The following CDH18 variants were observed in gnomAD, a reference collection of about 807,000 sequenced individuals.
The protein encoded by CDH18 is cadherin 18.
In CDH18, 31 loss-of-function variants were observed where a neutral mutation model predicts 67.9. That is an observed-to-expected ratio of 0.46 (90% CI 0.34 to 0.62). The LOEUF (loss-of-function observed/expected upper bound fraction) is 0.62, where lower values mean the gene tolerates loss of function less well. CDH18 is among the 20% of genes least tolerant of loss of function. CDH18 has a pLI of 0.01. For missense variants in CDH18, 890 were observed against 975.5 expected (o/e 0.91, Z 1.17); for synonymous variants, 362 against 347.2 (o/e 1.04, Z -0.48).
At chr5:19,936,511 G>T (rs1408521150) in intron 2 of CDH18, among the ~76,000 whole-genome samples, 1 of 150,858 alleles carries the variant, frequency 6.6e-6, no homozygotes. Context: ...AAAATAATGT[G>T]CTGTATACTT....
intron 2 of CDH18, among the ~76,000 whole-genome samples, chr5:20,228,501 A>G (rs1341189987): frequency 6.6e-6 from 1 of 150,536 alleles, no homozygotes; most frequent in Non-Finnish European, 1.5e-5. Context: ...ATCTCTCAGC[A>G]TTTTTAAAGA....
intron 1 of CDH18, among the ~76,000 whole-genome samples, chr5:20,536,555 T>A (rs923080581): frequency 6.6e-6 from 1 of 152,196 alleles, no homozygotes; most frequent in African/African-American, 2.4e-5. Flanking sequence ...GTACTGTGCT[T>A]CTGAACTACT....
intron 2 of CDH18, among the ~76,000 whole-genome samples, chr5:20,235,936 A>T (rs531285299): frequency 1.3e-5 from 2 of 152,198 alleles, no homozygotes; most frequent in Non-Finnish European, 2.9e-5. Flanking sequence ...GAACAAAATC[A>T]TGTCCTTCAC....
intron 2 of CDH18, among the ~76,000 whole-genome samples, chr5:20,232,017 A>T (rs916825987): frequency 3.1e-4 from 47 of 152,080 alleles, no homozygotes; most frequent in African/African-American, 1.1e-3. Flanking sequence ...CTCTTCTAAT[A>T]TTTTTTTACC....
chr5:20,247,263 C>T (rs1455717424), intron 2 of CDH18, among the ~76,000 whole-genome samples: 1 of 152,092 alleles, frequency 6.6e-6, no homozygotes, highest in Non-Finnish European at 1.5e-5. Flanking sequence ...CATTACTTTC[C>T]CTCCTTAGTT....
intron 1 of CDH18, among the ~76,000 whole-genome samples, chr5:19,985,806 T>C (rs1799508882): frequency 6.6e-6 from 1 of 152,164 alleles, no homozygotes; most frequent in South Asian, 2.1e-4. Flanking sequence ...ATCTCTCTCA[T>C]TCTTCACTAG....
chr5:19,754,761 C>T (rs951414254), intron 3 of CDH18, among the ~76,000 whole-genome samples: 2 of 152,062 alleles, frequency 1.3e-5, no homozygotes, highest in African/African-American at 4.8e-5. Context: ...ATATGATAGG[C>T]CACAAAATGA....
intron 1 of CDH18, among the ~76,000 whole-genome samples, chr5:20,357,986 G>T (rs1050953797): frequency 6.6e-6 from 1 of 152,072 alleles, no homozygotes; most frequent in African/African-American, 2.4e-5. Context: ...ATGAAATCAT[G>T]TCCTTTGCAG....
intron 4 of CDH18, among the ~76,000 whole-genome samples, chr5:19,732,865 TA>T (rs983281699): frequency 2.0e-5 from 3 of 152,192 alleles, no homozygotes; most frequent in Non-Finnish European, 4.4e-5. Context: ...CTTAACCTTG[TA>T]AAACTTGTTT....
At chr5:19,704,598 G>A (rs1561096542) in intron 5 of CDH18, among the ~76,000 whole-genome samples, 1 of 152,058 alleles carries the variant, frequency 6.6e-6, no homozygotes, top group East Asian at 1.9e-4. Context: ...CAAAGTTTAG[G>A]ATATTATTTT....
At chr5:20,196,348 T>C (rs912980042) in intron 2 of CDH18, among the ~76,000 whole-genome samples, 1 of 152,156 alleles carries the variant, frequency 6.6e-6, no homozygotes, top group African/African-American at 2.4e-5. Context: ...CATTCTTATC[T>C]TTATTTTACA....
At chr5:20,515,293 GAGAA>G (rs1755291320) in intron 1 of CDH18, among the ~76,000 whole-genome samples, 1 of 145,812 alleles carries the variant, frequency 6.9e-6, no homozygotes, top group South Asian at 2.2e-4. Flanking sequence ...AAGGGGGAGA[GAGAA>G]AGAGAGTAAT....
intron 1 of CDH18, among the ~76,000 whole-genome samples, chr5:20,556,955 A>G (rs1757937655): frequency 6.6e-6 from 1 of 152,120 alleles, no homozygotes; most frequent in Non-Finnish European, 1.5e-5. Flanking sequence ...GATAAATAAT[A>G]TACTCTGGGG....
chr5:20,466,854 A>G (rs1751666208), intron 1 of CDH18, among the ~76,000 whole-genome samples: 1 of 152,086 alleles, frequency 6.6e-6, no homozygotes, highest in African/African-American at 2.4e-5. Context: ...TTAAGATCTT[A>G]ATGGTTTTTT....
chr5:19,902,750 TAA>T lies in CDH18; in HGVS notation c.-256-63510_-256-63509del, dbSNP rs1230959504. Among the ~76,000 whole-genome samples the T allele has an allele frequency of 3.3e-5, 5 of 152,308 alleles. No individual in the cohort carries two copies. In the East Asian group the frequency reaches 9.6e-4, roughly 29 times the overall value. Reference sequence around the variant, plus strand: ...AGAAAGAATGCAGAATTTGGCAACATAATCTTGGCTGGATGCCCACTTGCCAC... The same window carrying T: ...AGAAAGAATGCAGAATTTGGCAACATTCTTGGCTGGATGCCCACTTGCCAC... On this transcript the variant is annotated intron_variant, in intron 2 of 12. Coordinates refer to ENST00000382275, the MANE Select transcript of CDH18 (RefSeq NM_004934.5).
chr5:20,326,851 A>G (rs1398307065), intron 1 of CDH18, among the ~76,000 whole-genome samples: 1 of 152,140 alleles, frequency 6.6e-6, no homozygotes, highest in South Asian at 2.1e-4. Flanking sequence ...ACATATTTAC[A>G]TTATTTAAGT....
chr5:20,524,635 A>G (rs578160466), intron 1 of CDH18, among the ~76,000 whole-genome samples: 1 of 152,348 alleles, frequency 6.6e-6, no homozygotes, highest in South Asian at 2.1e-4. Flanking sequence ...AGGCTTACCG[A>G]TAACAAAACA....
chr5:19,721,299 C>A, intron 5 of CDH18, 48 bp downstream of exon 5: 1 of 1,493,334 alleles, frequency 6.7e-7, no homozygotes, highest in Non-Finnish European at 9.0e-7. Flanking sequence ...TGCTTTGCAA[C>A]TTACTGTAGC....
At chr5:20,174,208 G>T (rs1474111764) in intron 2 of CDH18, among the ~76,000 whole-genome samples, 1 of 152,132 alleles carries the variant, frequency 6.6e-6, no homozygotes, top group East Asian at 1.9e-4. Flanking sequence ...CATCTTTCAA[G>T]AATAATTTAT....
Sources: allele counts gnomAD v4.1 joint callset (sites outside exome capture counted in the v4.1 genomes callset), GRCh38; gene constraint gnomAD v4.1.1; transcripts MANE v1.5; gene names NCBI Gene and HGNC (gene_info 2026-07-23, HGNC 2026-07-21).